Variants in EBF1 observed in about 807,000 individuals in gnomAD.
EBF1 encodes the protein transcription factor COE1.
Under a neutral mutation model 68.4 loss-of-function variants are expected in EBF1, and 10 were observed. The observed-to-expected ratio is 0.15, with a 90% CI of 0.09 to 0.25. The LOEUF (loss-of-function observed/expected upper bound fraction) is 0.25. Among genes scored for constraint, EBF1 ranks in the 10% least tolerant of loss-of-function variants. The probability of loss-of-function intolerance (pLI) is 1.00; values close to 1 mark genes in which losing one functional copy is unlikely to be tolerated. For synonymous variants in EBF1, 298 were observed against 299.8 expected, an observed-to-expected ratio of 0.99 and a Z score of 0.06; for missense variants, 509 against 794.4, an observed-to-expected ratio of 0.64 and a Z score of 4.32.
Position 158,889,226 on chromosome 5 carries a change from T to C in EBF1, c.555-49116A>G, listed in dbSNP as rs900708223. Among the ~76,000 whole-genome samples the C allele has an allele frequency of 2.0e-5, 3 of 152,156 alleles. 1 individual carries two copies. Among genetic ancestry groups the C allele is most frequent in the African/African-American group, 7.2e-5 (3 of 41,444 alleles). ...AAGCATTCAACAAGTACTTGTGGAA[T>C]AAACCACATCTAAATCAATAGATGG... On this transcript the variant is annotated intron_variant, in intron 6 of 15. Coordinates refer to ENST00000313708, the MANE Select transcript of EBF1 (RefSeq NM_024007.5).
intron 10 of EBF1, among the ~76,000 whole-genome samples, chr5:158,769,607 G>T (rs917023487): frequency 1.3e-5 from 2 of 151,924 alleles, no homozygotes; most frequent in African/African-American, 4.8e-5. Context: ...AGTGACTTTT[G>T]TTGTTGTTGT....
At chr5:158,863,641 T>TAA (rs929592381) in intron 6 of EBF1, among the ~76,000 whole-genome samples, 1 of 151,096 alleles carries the variant, frequency 6.6e-6, no homozygotes, top group East Asian at 1.9e-4. Context: ...TGGCTTATTA[T>TAA]AAAAAAAAAT....
chr5:158,919,067 C>G (rs1340497576), intron 6 of EBF1, among the ~76,000 whole-genome samples: 1 of 152,100 alleles, frequency 6.6e-6, no homozygotes, highest in East Asian at 1.9e-4. Context: ...GAATTTTCTC[C>G]TTGGTAATTC....
Position 159,024,429 on chromosome 5 carries a change from C to T in EBF1, c.554+48967G>A, listed in dbSNP as rs189330829. On this transcript the variant is annotated intron_variant, in intron 6 of 15. Coordinates refer to ENST00000313708, the MANE Select transcript of EBF1 (RefSeq NM_024007.5). ...CCTTGCTTGATATATTTTGGAAAGC[C>T]CTTGACAGTCCTATCGAAAACCAAA... 8.5e-5 allele frequency among the ~76,000 whole-genome samples: 13 copies of T among 152,160 alleles called. 1 individual carries two copies. The East Asian group carries it at 2.5e-3, about 29-fold the overall frequency.
intron 10 of EBF1, among the ~76,000 whole-genome samples, chr5:158,734,053 G>A (rs953361663): frequency 7.9e-5 from 12 of 152,086 alleles, no homozygotes; most frequent in Non-Finnish European, 1.5e-4. Flanking sequence ...CAATGCCATA[G>A]GAAAAAATAT....
intron 7 of EBF1, among the ~76,000 whole-genome samples, chr5:158,832,499 G>C (rs1787802016): frequency 6.6e-6 from 1 of 152,350 alleles, no homozygotes; most frequent in Non-Finnish European, 1.5e-5. Flanking sequence ...TGTATGAAGA[G>C]AGTGATCGCA....
chr5:158,872,996 A>ATTTTTTTTTTTTTTTTTTTTT (rs539493620), intron 6 of EBF1, among the ~76,000 whole-genome samples: 1 of 81,104 alleles, frequency 1.2e-5, no homozygotes, highest in African/African-American at 5.0e-5. Flanking sequence ...AATGACACTA[A>ATTTTTTTTTTTTTTTTTTTTT]TTTTTTTTTT....
chr5:159,079,156 C>T (rs917168728), intron 5 of EBF1, among the ~76,000 whole-genome samples: 1 of 152,118 alleles, frequency 6.6e-6, no homozygotes, highest in African/African-American at 2.4e-5. Context: ...CTCTCTCTTC[C>T]TCCCATGTCT....
intron 10 of EBF1, among the ~76,000 whole-genome samples, chr5:158,770,728 G>T (rs1773701317): frequency 6.6e-6 from 1 of 152,148 alleles, no homozygotes; most frequent in Admixed American, 6.6e-5. Flanking sequence ...ACCCTTCACT[G>T]GTTGTTGGGT....
At chr5:158,969,579 C>T (rs1285162452) in intron 6 of EBF1, among the ~76,000 whole-genome samples, 1 of 124,184 alleles carries the variant, frequency 8.1e-6, no homozygotes, top group Non-Finnish European at 1.6e-5. Flanking sequence ...GCCTAGGCAA[C>T]ATGGTGAAAC....
At chr5:158,812,162 G>A (rs1782792765) in intron 8 of EBF1, among the ~76,000 whole-genome samples, 1 of 152,070 alleles carries the variant, frequency 6.6e-6, no homozygotes, top group Non-Finnish European at 1.5e-5. Flanking sequence ...TGATATAATT[G>A]GCAGTCAGTC....
At chr5:158,914,618 G>T (rs571620411) in intron 6 of EBF1, among the ~76,000 whole-genome samples, 6 of 152,076 alleles carry the variant, frequency 3.9e-5, no homozygotes, top group African/African-American at 7.3e-5. Context: ...AGAAAAGGAG[G>T]GGGGGAAATG....
intron 10 of EBF1, among the ~76,000 whole-genome samples, chr5:158,770,797 T>C (rs147100577): frequency 2.6e-5 from 4 of 152,262 alleles, no homozygotes; most frequent in African/African-American, 9.6e-5. Flanking sequence ...GAGAAATATC[T>C]CTAACTGACT....
intron 6 of EBF1, among the ~76,000 whole-genome samples, chr5:158,872,234 T>TTTTGAGATGGAGCTC (rs1797006048): frequency 6.6e-6 from 1 of 151,742 alleles, no homozygotes; most frequent in Non-Finnish European, 1.5e-5. Flanking sequence ...CCTCATTGTG[T>TTTTGAGATGGAGCTC]CACCCAGGCT....
intron 6 of EBF1, among the ~76,000 whole-genome samples, chr5:158,999,398 T>C (rs774794489): frequency 1.7e-4 from 26 of 152,256 alleles, no homozygotes; most frequent in Non-Finnish European, 3.4e-4. Context: ...GAGAACTCCT[T>C]ACATCCAGTT....
intron 6 of EBF1, among the ~76,000 whole-genome samples, chr5:158,965,375 T>C (rs569831224): frequency 4.1e-4 from 62 of 152,202 alleles, no homozygotes; most frequent in Non-Finnish European, 7.5e-4. Context: ...GCTTGCAAAC[T>C]TGTGCTCAGT....
At chr5:158,888,880 T>C (rs898096983) in intron 6 of EBF1, among the ~76,000 whole-genome samples, 3 of 152,080 alleles carry the variant, frequency 2.0e-5, no homozygotes, top group African/African-American at 7.2e-5. Flanking sequence ...ATTTTCCTCC[T>C]GCTATCTTCC....
At chr5:158,817,450 C>G (rs1783979871) in intron 8 of EBF1, among the ~76,000 whole-genome samples, 1 of 152,130 alleles carries the variant, frequency 6.6e-6, no homozygotes, top group Non-Finnish European at 1.5e-5. Flanking sequence ...TAAAAGTGAG[C>G]TCTCTTCACC....
chr5:158,777,726 T>C (rs1775584746), intron 9 of EBF1, among the ~76,000 whole-genome samples, 187 bp from the exon 10 acceptor site: 1 of 152,166 alleles, frequency 6.6e-6, no homozygotes, highest in African/African-American at 2.4e-5. Context: ...AGTACAGCCA[T>C]AACAATATTA....
Sources: gnomAD v4.1 joint callset for allele counts (sites outside exome capture counted in the v4.1 genomes callset) on GRCh38, gnomAD v4.1.1 for gene constraint, MANE v1.5 for transcripts, NCBI Gene and HGNC (gene_info 2026-07-23, HGNC 2026-07-21) for gene names.